Variants in FMN1 observed in about 807,000 individuals in gnomAD.
FMN1 encodes formin 1, also known as formin-1.
FMN1 carries 110 observed loss-of-function variants against 132.4 expected under a neutral mutation model. The ratio of observed to expected loss-of-function variants is 0.83; its 90% CI spans 0.71 to 0.97. FMN1 has a LOEUF of 0.97. Ranked by LOEUF, FMN1 falls within the 50% of genes least tolerant of loss-of-function variation. The pLI, the probability that FMN1 is intolerant of heterozygous loss-of-function variation, is 0.00. For synonymous variants in FMN1, 722 were observed against 651.7 expected, an observed-to-expected ratio of 1.11 and a Z score of -1.64; for missense variants, 1,792 against 1,705.3, an observed-to-expected ratio of 1.05 and a Z score of -0.90.
Position 33,033,175 on chromosome 15 carries a change from T to C in FMN1, c.2162-25100A>G, listed in dbSNP as rs577956317. Among the ~76,000 whole-genome samples, 785 of 152,018 alleles carry C rather than the reference T, an allele frequency of 5.2e-3. 3 individuals carry two copies. Among genetic ancestry groups the C allele is most frequent in the Non-Finnish European group, 8.7e-3 (592 of 67,962 alleles). On this transcript the variant is annotated intron_variant, in intron 6 of 20. Transcript: ENST00000616417. Reference sequence around the variant, plus strand: ...CCTCCCGAGTAGCTGGGACTACAGGTGCCCGCCACCACACGCGGCTAATTT... The same window carrying C: ...CCTCCCGAGTAGCTGGGACTACAGGCGCCCGCCACCACACGCGGCTAATTT...
Position 33,122,561 on chromosome 15 carries a change from T to C in FMN1, c.1867+30487A>G, listed in dbSNP as rs183278819. On this transcript the variant is annotated intron_variant, in intron 4 of 20. Coordinates refer to ENST00000616417, the MANE Select transcript of FMN1 (RefSeq NM_001277313.2). ...GCAACAGGATAAACAACCAGGCCAATATTCTGACATCACCTTCTAAACAGT... is the reference window on the plus strand; with the variant it reads ...GCAACAGGATAAACAACCAGGCCAACATTCTGACATCACCTTCTAAACAGT... Among the ~76,000 whole-genome samples, 332 of 152,338 alleles carry C rather than the reference T, an allele frequency of 2.2e-3. 2 individuals carry two copies. The highest frequency in any genetic ancestry group is 7.7e-3 in the African/African-American group (322 of 41,580).
chr15:33,078,655 A>AC (rs1017261637), intron 5 of FMN1, among the ~76,000 whole-genome samples: 1 of 152,042 alleles, frequency 6.6e-6, no homozygotes, highest in African/African-American at 2.4e-5. Flanking sequence ...AAAAAAAAAA[A>AC]AACAACTGGG....
intron 6 of FMN1, among the ~76,000 whole-genome samples, chr15:33,009,657 C>T (rs2034602801): frequency 6.6e-6 from 1 of 152,190 alleles, no homozygotes; most frequent in Non-Finnish European, 1.5e-5. Flanking sequence ...CAACTCATTT[C>T]ATCTCCACAA....
At chr15:32,889,724 CCT>C (rs76267009) in intron 15 of FMN1, among the ~76,000 whole-genome samples, 37,564 of 152,008 alleles carry the variant, frequency 0.25, 4,780 homozygotes, top group East Asian at 0.32. Context: ...GTGTTTCTCC[CCT>C]GTTCTCCAAA....
intron 4 of FMN1, among the ~76,000 whole-genome samples, chr15:33,131,832 A>G (rs571525234): frequency 5.3e-5 from 8 of 152,320 alleles, no homozygotes; most frequent in Middle Eastern, 3.4e-3. Flanking sequence ...AAACATCTCT[A>G]CCATGCTATT....
chr15:33,053,765 G>T (rs987441914), intron 6 of FMN1, among the ~76,000 whole-genome samples: 2 of 152,126 alleles, frequency 1.3e-5, no homozygotes, highest in Non-Finnish European at 2.9e-5. Flanking sequence ...GTCCAGAAGG[G>T]TCTCCAGTAA....
In FMN1 at chr15:32,948,011, C is replaced by G. The variant is rs866971303; in HGVS notation, c.3138+16096G>C. Among the ~76,000 whole-genome samples the G allele has an allele frequency of 3.9e-5, 6 of 152,054 alleles. No homozygotes were observed. The South Asian group carries it at 6.2e-4, about 16-fold the overall frequency. On this transcript the variant is annotated intron_variant, in intron 9 of 20. Transcript: ENST00000616417. ...AGAAATGTGTATCATATTCCTATTT[C>G]GTACTGATCTCAAAAAGAAAGCTTT... is the stretch of plus-strand genomic sequence containing the variant.
chr15:33,052,552 A>ATTC (rs1433700064), intron 6 of FMN1, among the ~76,000 whole-genome samples: 1 of 147,780 alleles, frequency 6.8e-6, no homozygotes, highest in Non-Finnish European at 1.5e-5. Context: ...CTACAATTCA[A>ATTC]TTCAATTCAA....
intron 4 of FMN1, among the ~76,000 whole-genome samples, chr15:33,116,757 T>C (rs1012083309): frequency 3.2e-4 from 48 of 152,210 alleles, no homozygotes; most frequent in African/African-American, 1.1e-3. Flanking sequence ...GATATGGCTT[T>C]TTTTTCCCTC....
At chr15:33,091,056 CT>C (rs1271656545) in intron 4 of FMN1, among the ~76,000 whole-genome samples, 1 of 152,094 alleles carries the variant, frequency 6.6e-6, no homozygotes, top group Non-Finnish European at 1.5e-5. Flanking sequence ...TTTCATTTTT[CT>C]TTTGAAGTAG....
chr15:33,025,515 A>G (rs966427036), intron 6 of FMN1, among the ~76,000 whole-genome samples: 20 of 152,298 alleles, frequency 1.3e-4, no homozygotes, highest in Non-Finnish European at 2.5e-4. Context: ...CAATTAAATT[A>G]AAATCCACAA....
At chr15:32,821,597 G>T (rs775520841) in intron 17 of FMN1, among the ~76,000 whole-genome samples, 2 of 151,440 alleles carry the variant, frequency 1.3e-5, no homozygotes, top group Non-Finnish European at 2.9e-5. Context: ...GACTACAGGC[G>T]CCCGCCACCA....
chr15:32,874,195 G>A (rs1429976578), intron 16 of FMN1, among the ~76,000 whole-genome samples: 1 of 151,512 alleles, frequency 6.6e-6, no homozygotes, highest in Non-Finnish European at 1.5e-5. Flanking sequence ...CTAATTTTTT[G>A]TACTTTTAGT....
chr15:32,903,648 A>T (rs867774577), intron 12 of FMN1, among the ~76,000 whole-genome samples: 4 of 152,354 alleles, frequency 2.6e-5, no homozygotes, highest in South Asian at 2.1e-4. Flanking sequence ...TATACAGATC[A>T]ATGCCTCGGC....
chr15:32,901,783 A>C (rs1392317169), intron 13 of FMN1, 128 bp downstream of exon 13: 1 of 674,562 alleles, frequency 1.5e-6, no homozygotes. Flanking sequence ...TAATCATCAA[A>C]TTTACACTTA....
At chr15:32,938,448 G>A (rs967954350) in intron 9 of FMN1, among the ~76,000 whole-genome samples, 1 of 152,136 alleles carries the variant, frequency 6.6e-6, no homozygotes, top group South Asian at 2.1e-4. Flanking sequence ...AGAATTGCTT[G>A]AACCCAGGAG....
chr15:33,139,362 C>T (rs1022779115), intron 4 of FMN1, among the ~76,000 whole-genome samples: 4 of 152,104 alleles, frequency 2.6e-5, no homozygotes, highest in South Asian at 2.1e-4. Context: ...TTTGGGAGGC[C>T]GAGGCGGGCG....
At chr15:33,083,435 G>T (rs956108576) in intron 5 of FMN1, among the ~76,000 whole-genome samples, 5 of 152,068 alleles carry the variant, frequency 3.3e-5, no homozygotes, top group Non-Finnish European at 7.4e-5. Flanking sequence ...TTGTGATTAG[G>T]GTTGGCATTT....
chr15:32,994,489 C>T (rs2033648495), intron 7 of FMN1, among the ~76,000 whole-genome samples: 1 of 152,160 alleles, frequency 6.6e-6, no homozygotes. Context: ...TGTCTGGACC[C>T]ATGGATCTTA....
Sources: allele counts gnomAD v4.1 joint callset (sites outside exome capture counted in the v4.1 genomes callset), GRCh38; gene constraint gnomAD v4.1.1; transcripts MANE v1.5; gene names NCBI Gene and HGNC (gene_info 2026-07-23, HGNC 2026-07-21).